FAM117B: variants seen among roughly 807,000 people sequenced by gnomAD.
The protein encoded by FAM117B is protein FAM117B.
Under a neutral mutation model 52.8 loss-of-function variants are expected in FAM117B, and 22 were observed. The observed-to-expected ratio is 0.42, with a 90% CI of 0.30 to 0.59. The LOEUF (loss-of-function observed/expected upper bound fraction) is 0.59, where lower values mean the gene tolerates loss of function less well. Ranked by LOEUF, FAM117B falls within the 20% of genes least tolerant of loss-of-function variation. The pLI is 0.22. For synonymous variants in FAM117B, 309 were observed against 324.1 expected (o/e 0.95, Z 0.50); for missense variants, 678 against 802.6 (o/e 0.84, Z 1.88).
chr2:202,741,143 C>A (rs1691529222), intron 4 of FAM117B, among the ~76,000 whole-genome samples: 1 of 151,908 alleles, frequency 6.6e-6, no homozygotes, highest in African/African-American at 2.4e-5. Context: ...GTGATGAACG[C>A]CAGGCGCGGT....
At chr2:202,754,888 C>CAAAAAAAA (rs149747057) in intron 4 of FAM117B, among the ~76,000 whole-genome samples, 1 of 85,712 alleles carries the variant, frequency 1.2e-5, no homozygotes, top group Non-Finnish European at 2.1e-5. Context: ...AGATTCGTCT[C>CAAAAAAAA]AAAAAAAAAA....
chr2:202,641,724 C>T (rs1311061204), intron 1 of FAM117B, among the ~76,000 whole-genome samples: 11 of 151,390 alleles, frequency 7.3e-5, no homozygotes, highest in Admixed American at 1.3e-4. Flanking sequence ...TTGTAACCTC[C>T]GCCTCCTGGG....
At chr2:202,720,065 T>TAAAA (rs1224513701) in intron 2 of FAM117B, among the ~76,000 whole-genome samples, 5 of 152,160 alleles carry the variant, frequency 3.3e-5, no homozygotes, top group Non-Finnish European at 7.4e-5. Flanking sequence ...TGTGGAGAAA[T>TAAAA]ATTTGAGATT....
At chr2:202,700,510 C>T (rs867057086) in intron 2 of FAM117B, among the ~76,000 whole-genome samples, 8 of 152,030 alleles carry the variant, frequency 5.3e-5, no homozygotes, top group South Asian at 2.1e-4. Flanking sequence ...TAGGCGAGGA[C>T]GCTACAGAAG....
chr2:202,650,636 A>G (rs1437753506), intron 1 of FAM117B, among the ~76,000 whole-genome samples: 1 of 152,208 alleles, frequency 6.6e-6, no homozygotes, highest in East Asian at 1.9e-4. Flanking sequence ...AAACCTTAAA[A>G]GTAGGGAAGC....
chr2:202,759,161 G>T, intron 6 of FAM117B, 72 bp from the exon 7 acceptor site: 2 of 1,544,294 alleles, frequency 1.3e-6, no homozygotes, highest in Non-Finnish European at 1.8e-6. Context: ...TTCATGGTGG[G>T]CTAGTCCAAG....
At chr2:202,714,357 G>C (rs1691004478) in intron 2 of FAM117B, among the ~76,000 whole-genome samples, 1 of 151,920 alleles carries the variant, frequency 6.6e-6, no homozygotes, top group South Asian at 2.1e-4. Context: ...TGATTTTTTT[G>C]TTGTTGATTT....
Position 202,648,095 on chromosome 2 carries a change from A to G in FAM117B, c.601+12307A>G, listed in dbSNP as rs140780606. Among the ~76,000 whole-genome samples, 392 of 152,288 alleles carry G rather than the reference A, an allele frequency of 2.6e-3. 2 individuals are homozygous for G. The highest frequency in any genetic ancestry group is 4.0e-3 in the Non-Finnish European group (273 of 68,016). On this transcript the variant is annotated intron_variant, in intron 1 of 7. Transcript: ENST00000392238. Reference sequence around the variant, plus strand: ...CAATAATGTGCACATGATAAAAATTATAAATGGTAAGGAGAATACAGTCAG... The same window carrying G: ...CAATAATGTGCACATGATAAAAATTGTAAATGGTAAGGAGAATACAGTCAG...
At chr2:202,711,198 T>C (rs1333961507) in intron 2 of FAM117B, among the ~76,000 whole-genome samples, 1 of 152,182 alleles carries the variant, frequency 6.6e-6, no homozygotes, top group African/African-American at 2.4e-5. Flanking sequence ...GGTTCCTTTT[T>C]CTCCACATCC....
At chr2:202,705,478 T>G (rs974744071) in intron 2 of FAM117B, among the ~76,000 whole-genome samples, 4 of 152,154 alleles carry the variant, frequency 2.6e-5, no homozygotes, top group South Asian at 4.1e-4. Flanking sequence ...CACAAAGGTA[T>G]TCTCTTTTTT....
intron 4 of FAM117B, among the ~76,000 whole-genome samples, chr2:202,731,237 T>G (rs2105789321): frequency 6.7e-6 from 1 of 149,762 alleles, no homozygotes; most frequent in African/African-American, 2.4e-5. Flanking sequence ...GGAAATGCAA[T>G]TCAAAACTCC....
At chr2:202,692,863 A>G (rs917524202) in intron 1 of FAM117B, among the ~76,000 whole-genome samples, 1 of 152,174 alleles carries the variant, frequency 6.6e-6, no homozygotes, top group African/African-American at 2.4e-5. Flanking sequence ...GCCATAGACA[A>G]CCTGTAAATG....
intron 4 of FAM117B, among the ~76,000 whole-genome samples, chr2:202,750,802 A>T (rs1691709773): frequency 6.6e-6 from 1 of 152,116 alleles, no homozygotes; most frequent in South Asian, 2.1e-4. Context: ...TATTTTGGGG[A>T]AATAGTCTTT....
intron 4 of FAM117B, among the ~76,000 whole-genome samples, chr2:202,745,608 A>G (rs927059525): frequency 3.3e-5 from 5 of 152,260 alleles, no homozygotes; most frequent in Non-Finnish European, 5.9e-5. Flanking sequence ...CTTACCTATC[A>G]ACAACAACCT....
chr2:202,645,595 TTTTATTTCTATCAGA>T (rs1249432222), intron 1 of FAM117B, among the ~76,000 whole-genome samples: 1 of 148,730 alleles, frequency 6.7e-6, no homozygotes, highest in Non-Finnish European at 1.5e-5. Context: ...GGCAGCCTGT[TTTTATTTCTATCAGA>T]TTTATTTATT....
At chr2:202,745,992 A>G (rs889586570) in intron 4 of FAM117B, among the ~76,000 whole-genome samples, 6 of 152,232 alleles carry the variant, frequency 3.9e-5, no homozygotes, top group African/African-American at 1.4e-4. Context: ...CCCCAATGCA[A>G]TAATAGTTGG....
chr2:202,729,274 C>T (rs1691303714), intron 4 of FAM117B, among the ~76,000 whole-genome samples: 1 of 151,802 alleles, frequency 6.6e-6, no homozygotes, highest in Non-Finnish European at 1.5e-5. Flanking sequence ...GCGGAGGTTG[C>T]AGTGAGCAGA....
intron 4 of FAM117B, among the ~76,000 whole-genome samples, chr2:202,735,799 T>G (rs1473833663): frequency 2.0e-5 from 3 of 152,214 alleles, no homozygotes; most frequent in Admixed American, 6.5e-5. Flanking sequence ...TTTTTTTTAT[T>G]ATACTTTAAG....
chr2:202,640,340 A>ATATATATATATATATATG lies in FAM117B; in HGVS notation c.601+4555_601+4556insATATATATATATATGTAT, dbSNP rs1371719386. The stretch of plus-strand genomic sequence containing the variant: ...TATATATATATATATATATATATAT[A>ATATATATATATATATATG]TATGGCAAGTCGTGTTCTTGCTAGT... On this transcript the variant is annotated intron_variant, in intron 1 of 7. Transcript: ENST00000392238. 1.4e-4 allele frequency among the ~76,000 whole-genome samples: 15 copies of ATATATATATATATATATG among 105,722 alleles called. 2 individuals carry two copies. Among genetic ancestry groups the ATATATATATATATATATG allele is most frequent in the African/African-American group, 6.1e-4 (14 of 23,094 alleles). The allele number at this position is 105,722 out of a possible 152,430, so 69.4% of individuals were successfully genotyped here. A position where few individuals can be genotyped will look rare whatever the true frequency, so the allele number is the denominator to read the frequency against.
Sources: gnomAD v4.1 joint callset for allele counts (sites outside exome capture counted in the v4.1 genomes callset) on GRCh38, gnomAD v4.1.1 for gene constraint, MANE v1.5 for transcripts, NCBI Gene and HGNC (gene_info 2026-07-23, HGNC 2026-07-21) for gene names.